TES: variants seen among roughly 807,000 people sequenced by gnomAD.
TES encodes the protein testin LIM domain protein.
TES carries 41 observed loss-of-function variants against 48.2 expected under a neutral mutation model. The ratio of observed to expected loss-of-function variants is 0.85; its 90% confidence interval spans 0.66 to 1.10. The LOEUF is 1.10. Among genes scored for constraint, TES ranks in the 50% least tolerant of loss-of-function variants. TES has a pLI of 0.00. For synonymous variants in TES, 162 were observed against 174.9 expected, an observed-to-expected ratio of 0.93 and a Z score of 0.58; for missense variants, 463 against 515.1, an observed-to-expected ratio of 0.90 and a Z score of 0.98.
chr7:116,236,174 T>G (rs1799768479), intron 2 of TES, among the ~76,000 whole-genome samples: 2 of 152,214 alleles, frequency 1.3e-5, no homozygotes, highest in South Asian at 4.1e-4. Flanking sequence ...TCACACTATT[T>G]TCTATTGGGC....
intron 6 of TES, among the ~76,000 whole-genome samples, chr7:116,252,909 A>G (rs1253382670): frequency 1.3e-5 from 2 of 152,214 alleles, no homozygotes; most frequent in African/African-American, 4.8e-5. Flanking sequence ...GGAGATTGTA[A>G]GATACCTATT....
chr7:116,253,604 A>AACGC (rs757669729), intron 6 of TES, among the ~76,000 whole-genome samples: 3 of 152,144 alleles, frequency 2.0e-5, no homozygotes, highest in East Asian at 1.9e-4. Context: ...CTAGTTATCC[A>AACGC]ACGCAAATCA....
intron 1 of TES, among the ~76,000 whole-genome samples, chr7:116,227,123 T>C (rs1584614075): frequency 9.7e-6 from 1 of 102,924 alleles, no homozygotes; most frequent in Non-Finnish European, 2.1e-5. Context: ...TTTATTTATT[T>C]ATTTATTTAT....
chr7:116,221,994 T>C (rs370103563), intron 1 of TES, among the ~76,000 whole-genome samples: 10 of 152,326 alleles, frequency 6.6e-5, no homozygotes, highest in African/African-American at 2.4e-4. Flanking sequence ...ACCACTTCTC[T>C]GATACATCAA....
At chr7:116,249,432 T>G (rs770680834) in intron 3 of TES, 160 bp downstream of exon 3, 9 of 850,332 alleles carry the variant, frequency 1.1e-5, no homozygotes, top group Non-Finnish European at 1.6e-5. Flanking sequence ...GTCTTTTGAA[T>G]GTAAGACTAG....
chr7:116,240,735 T>C (rs1406609906), intron 2 of TES, among the ~76,000 whole-genome samples: 2 of 152,206 alleles, frequency 1.3e-5, no homozygotes, highest in African/African-American at 4.8e-5. Flanking sequence ...ATGGAGAATC[T>C]GGAGAGAGAA....
chr7:116,238,585 CATTATTATTATTATT>C (rs375782060), intron 2 of TES, among the ~76,000 whole-genome samples: 1 of 129,330 alleles, frequency 7.7e-6, no homozygotes, highest in Non-Finnish European at 1.8e-5. Flanking sequence ...CAACATCCAT[CATTATTATTATTATT>C]ATTATTATTA....
chr7:116,243,591 T>C (rs755671416), intron 2 of TES, among the ~76,000 whole-genome samples: 3 of 152,204 alleles, frequency 2.0e-5, no homozygotes, highest in African/African-American at 7.2e-5. Context: ...CTTTACCTTG[T>C]CTCACAGGCA....
intron 1 of TES, among the ~76,000 whole-genome samples, chr7:116,224,053 C>A (rs1421969308): frequency 6.6e-6 from 1 of 152,226 alleles, no homozygotes; most frequent in Non-Finnish European, 1.5e-5. Flanking sequence ...CAGCTTCTAT[C>A]TTGTGGTTCT....
chr7:116,217,126 G>A (rs181137766), intron 1 of TES, among the ~76,000 whole-genome samples: 5 of 152,206 alleles, frequency 3.3e-5, no homozygotes, highest in Admixed American at 2.0e-4. Flanking sequence ...AATTATACCC[G>A]TCAGTGAACT....
At chr7:116,256,192 A>G (rs1800095926) in intron 6 of TES, among the ~76,000 whole-genome samples, 1 of 152,202 alleles carries the variant, frequency 6.6e-6, no homozygotes, top group Admixed American at 6.5e-5. Context: ...AAATGGACAT[A>G]TATAACCAGG....
chr7:116,252,096 T>G, intron 5 of TES, 121 bp downstream of exon 5: 1 of 1,129,478 alleles, frequency 8.9e-7, no homozygotes, highest in Non-Finnish European at 1.3e-6. Context: ...CAAAGAAGTT[T>G]TAAAAAATAA....
At chr7:116,247,572 G>A (rs1432667558) in intron 2 of TES, among the ~76,000 whole-genome samples, 3 of 151,634 alleles carry the variant, frequency 2.0e-5, no homozygotes, top group Non-Finnish European at 4.4e-5. Flanking sequence ...ACTTCTTTCA[G>A]TGAATTCATT....
Position 116,250,305 on chromosome 7 carries a change from G to T in TES, c.511G>T (p.Glu171Ter), listed in dbSNP as rs1441086788. ...PSKCHELSPR[E>*]VKEMEQFVKK... The stretch of plus-strand genomic sequence containing the variant: ...AAAGTGCCATGAGTTGTCTCCCAGA[G>T]AGGTGAAGGAGATGGAGCAGTTTGT... The change falls in exon 4 of 7, where the codon GAG becomes TAG. Residue 171 changes from glutamate (E) to a stop codon, truncating the protein, a stop_gained. Transcript: ENST00000358204. LOFTEE classifies it high-confidence loss of function. The T allele has an allele frequency of 1.2e-6, 2 of 1,613,928 alleles. No homozygotes were observed. The highest frequency in any genetic ancestry group is 2.2e-5 in the South Asian group (2 of 90,990).
chr7:116,249,151 A>G lies in TES; in HGVS notation c.245A>G (p.Asp82Gly). ...YTTLIAKLKS[D>G]GIPMYKRNVM... ...ACTCTGATTGCAAAACTAAAGTCAG[A>G]TGGAATTCCCATGTATAAACGCAAT... Residue 82 changes from aspartate (D) to glycine (G), a missense_variant, in exon 3 of 7, where the codon GAT becomes GGT. Physicochemically the swap from Asp to Gly is moderately conservative, Grantham distance 94. Coordinates refer to ENST00000358204, the MANE Select transcript of TES (RefSeq NM_015641.4). 3.7e-6 allele frequency: 6 copies of G among 1,614,150 alleles called. No homozygotes were observed. Among genetic ancestry groups the G allele is most frequent in the Non-Finnish European group, 4.2e-6 (5 of 1,179,994 alleles).
intron 2 of TES, among the ~76,000 whole-genome samples, chr7:116,237,560 C>A (rs1799787914): frequency 6.6e-6 from 1 of 152,082 alleles, no homozygotes; most frequent in Non-Finnish European, 1.5e-5. Context: ...ATGGTGTTCT[C>A]TGCCTGGAAA....
chr7:116,248,965 C>T, intron 2 of TES, 55 bp from the exon 3 acceptor site: 1 of 1,476,198 alleles, frequency 6.8e-7, no homozygotes, highest in Non-Finnish European at 9.0e-7. Context: ...AATGTATGAA[C>T]ATAAATATCA....
Position 116,235,236 on chromosome 7 carries a change from CCA to C in TES, c.113+619_113+620del, listed in dbSNP as rs747400368. Reference sequence around the variant, plus strand: ...AAAGTGCTGGGATTACAGGCGTGAGCCACCATGCCTGGCCCTGTTTAATAATT... The same window carrying C: ...AAAGTGCTGGGATTACAGGCGTGAGCCCATGCCTGGCCCTGTTTAATAATT... On this transcript the variant is annotated intron_variant, in intron 2 of 6. Coordinates refer to ENST00000358204, the MANE Select transcript of TES (RefSeq NM_015641.4). 4.3e-4 allele frequency among the ~76,000 whole-genome samples: 65 copies of C among 152,350 alleles called. 1 individual carries two copies. The highest frequency in any genetic ancestry group is 3.4e-3 in the Middle Eastern group (1 of 294).
chr7:116,235,100 C>G (rs1799751652), intron 2 of TES, among the ~76,000 whole-genome samples: 1 of 152,114 alleles, frequency 6.6e-6, no homozygotes. Context: ...TGTGCCACGA[C>G]ACCTGGCTAA....
Sources: gnomAD v4.1 joint callset for allele counts (sites outside exome capture counted in the v4.1 genomes callset) on GRCh38, gnomAD v4.1.1 for gene constraint, MANE v1.5 for transcripts, NCBI Gene and HGNC (gene_info 2026-07-23, HGNC 2026-07-21) for gene names.